JAKMIP3: variants seen among roughly 807,000 people sequenced by gnomAD.
JAKMIP3 encodes Janus kinase and microtubule interacting protein 3, also known as janus kinase and microtubule-interacting protein 3.
Under a neutral mutation model 118.5 loss-of-function variants are expected in JAKMIP3, and 58 were observed. That is an observed-to-expected ratio of 0.49 (90% CI 0.40 to 0.61). The LOEUF (loss-of-function observed/expected upper bound fraction) is 0.61. Ranked by LOEUF, JAKMIP3 falls within the 20% of genes least tolerant of loss-of-function variation. The probability of loss-of-function intolerance (pLI) is 0.00; values close to 1 mark genes in which losing one functional copy is unlikely to be tolerated. For synonymous variants in JAKMIP3, 486 were observed against 451.2 expected, an observed-to-expected ratio of 1.08 and a Z score of -0.98; for missense variants, 950 against 1,109.0, an observed-to-expected ratio of 0.86 and a Z score of 2.04.
At chr10:132,073,195 C>CT (rs1564868081) in intron 1 of JAKMIP3, among the ~76,000 whole-genome samples, 2 of 152,074 alleles carry the variant, frequency 1.3e-5, no homozygotes, top group Non-Finnish European at 2.9e-5. Context: ...TTTTCTTTTC[C>CT]TTTTTTCTGA....
At chr10:132,048,951 G>C (rs1489984001) in intron 1 of JAKMIP3, among the ~76,000 whole-genome samples, 1 of 151,888 alleles carries the variant, frequency 6.6e-6, no homozygotes, top group African/African-American at 2.4e-5. Flanking sequence ...GGGCTTGACT[G>C]TTTCTAAAAT....
chr10:132,036,956 C>T (rs770484161), intron 1 of JAKMIP3, among the ~76,000 whole-genome samples: 1 of 152,028 alleles, frequency 6.6e-6, no homozygotes, highest in South Asian at 2.1e-4. Context: ...TCCACGGCAC[C>T]CCCTGCCCTG....
intron 21 of JAKMIP3, among the ~76,000 whole-genome samples, chr10:132,166,774 G>T (rs945574777): frequency 2.0e-5 from 3 of 152,158 alleles, no homozygotes; most frequent in African/African-American, 7.2e-5. Context: ...AGAGTCCCCA[G>T]TGCGTTCCTA....
At chr10:132,041,909 C>A (rs1214980204) in intron 1 of JAKMIP3, among the ~76,000 whole-genome samples, 3 of 151,716 alleles carry the variant, frequency 2.0e-5, no homozygotes, top group Non-Finnish European at 2.9e-5. Flanking sequence ...TCTTGTTGCC[C>A]AGGCTGGAGT....
At chr10:132,163,749 C>A (rs755001936) in intron 20 of JAKMIP3, among the ~76,000 whole-genome samples, 73 of 152,378 alleles carry the variant, frequency 4.8e-4, no homozygotes, top group Middle Eastern at 3.4e-3. Flanking sequence ...GCCTCCCCTA[C>A]CAGCCTAGTG....
At chr10:132,048,563 C>G (rs1223298491) in intron 1 of JAKMIP3, among the ~76,000 whole-genome samples, 1 of 152,002 alleles carries the variant, frequency 6.6e-6, no homozygotes, top group Admixed American at 6.6e-5. Flanking sequence ...CTGCTGTGTT[C>G]TGTTGACCAG....
At chr10:132,093,931 ATTTTTTTT>A (rs35838926) in intron 1 of JAKMIP3, among the ~76,000 whole-genome samples, 1 of 103,622 alleles carries the variant, frequency 9.7e-6, no homozygotes, top group African/African-American at 4.1e-5. Flanking sequence ...TCTTGTATCT[ATTTTTTTT>A]TTTTTTTTTT....
intron 2 of JAKMIP3, among the ~76,000 whole-genome samples, chr10:132,115,849 C>T (rs577338654): frequency 3.5e-4 from 54 of 152,390 alleles, no homozygotes; most frequent in South Asian, 4.1e-4. Flanking sequence ...GAGGGCTCAG[C>T]TGTCCTCCAG....
intron 21 of JAKMIP3, among the ~76,000 whole-genome samples, chr10:132,166,413 C>T (rs2058906706): frequency 6.6e-6 from 1 of 152,148 alleles, no homozygotes; most frequent in South Asian, 2.1e-4. Flanking sequence ...CCGATTTTCT[C>T]TCGTGTCCAG....
chr10:132,144,736 C>T (rs749697839), intron 11 of JAKMIP3: 11 of 185,112 alleles, frequency 5.9e-5, no homozygotes, highest in East Asian at 1.7e-4. Flanking sequence ...TGATACCAGC[C>T]TGGGCAACAT....
intron 17 of JAKMIP3, 23 bp from the exon 18 acceptor site, chr10:132,153,736 C>A: frequency 3.1e-6 from 5 of 1,612,622 alleles, no homozygotes; most frequent in Non-Finnish European, 4.2e-6. Flanking sequence ...GGTCACTGTC[C>A]TGCTTGTTCT....
chr10:132,173,019 CTCT>C, intron 23 of JAKMIP3, among the ~76,000 whole-genome samples: 1 of 26,918 alleles, frequency 3.7e-5, no homozygotes, highest in African/African-American at 1.5e-4. Context: ...CTCTCTCCCT[CTCT>C]CTCTCCTTCC....
chr10:132,057,442 C>A (rs1364697760), intron 1 of JAKMIP3, among the ~76,000 whole-genome samples: 1 of 152,204 alleles, frequency 6.6e-6, no homozygotes, highest in African/African-American at 2.4e-5. Context: ...GACTGCCTTG[C>A]CACTGTATCG....
intron 2 of JAKMIP3, among the ~76,000 whole-genome samples, chr10:132,106,210 C>T (rs2045879711): frequency 1.3e-5 from 2 of 152,058 alleles, no homozygotes; most frequent in Admixed American, 1.3e-4. Context: ...CGGTGGTATG[C>T]TCCTGTGGGC....
At chr10:132,099,631 T>G (rs2044514051) in intron 1 of JAKMIP3, among the ~76,000 whole-genome samples, 1 of 152,152 alleles carries the variant, frequency 6.6e-6, no homozygotes, top group Non-Finnish European at 1.5e-5. Context: ...ACTAACAGGC[T>G]CAGGACCCTT....
In JAKMIP3 at chr10:132,083,878, G is replaced by A. The variant is rs2042072629; in HGVS notation, c.-138+17817G>A. The stretch of plus-strand genomic sequence containing the variant: ...ATTTGAACCCAAAGTTCTCTATTCT[G>A]TTCCATTGGTCTATGTGCCTGTTTT... On this transcript the variant is annotated intron_variant, in intron 1 of 23. Coordinates refer to ENST00000684848, the MANE Select transcript of JAKMIP3 (RefSeq NM_001323087.2). Among the ~76,000 whole-genome samples, 3 of 152,288 alleles carry A rather than the reference G, an allele frequency of 2.0e-5. No homozygotes were observed. The South Asian group carries it at 6.2e-4, about 32-fold the overall frequency.
chr10:132,177,003 G>A (rs1374035953), intron 23 of JAKMIP3, among the ~76,000 whole-genome samples: 1 of 152,132 alleles, frequency 6.6e-6, no homozygotes. Flanking sequence ...AAGGGCGAAG[G>A]TGTTTCTCAA....
intron 1 of JAKMIP3, among the ~76,000 whole-genome samples, chr10:132,048,989 C>CT (rs979341375): frequency 9.3e-4 from 140 of 150,548 alleles, no homozygotes; most frequent in African/African-American, 2.9e-3. Context: ...TTTCGTGGAG[C>CT]TTTTTTTTTT....
intron 1 of JAKMIP3, among the ~76,000 whole-genome samples, chr10:132,101,491 CT>C (rs2044901323): frequency 6.6e-6 from 1 of 152,216 alleles, no homozygotes; most frequent in Non-Finnish European, 1.5e-5. Context: ...AACAGATTCT[CT>C]TTCAAAAAAC....
Sources: allele counts gnomAD v4.1 joint callset (sites outside exome capture counted in the v4.1 genomes callset), GRCh38; gene constraint gnomAD v4.1.1; transcripts MANE v1.5; gene names NCBI Gene and HGNC (gene_info 2026-07-23, HGNC 2026-07-21).